Variants in FMN1 observed in about 807,000 individuals in gnomAD.
FMN1 encodes the protein formin-1.
Under a neutral mutation model 132.4 loss-of-function variants are expected in FMN1, and 110 were observed. The observed-to-expected ratio is 0.83, with a 90% CI of 0.71 to 0.97. The LOEUF (loss-of-function observed/expected upper bound fraction) is 0.97. FMN1 is among the 50% of genes least tolerant of loss of function. The pLI, the probability that FMN1 is intolerant of heterozygous loss-of-function variation, is 0.00. For missense variants in FMN1, 1,792 were observed against 1,705.3 expected (o/e 1.05, Z -0.90); for synonymous variants, 722 against 651.7 (o/e 1.11, Z -1.64).
At chr15:33,094,474 C>A (rs2141381394) in intron 4 of FMN1, among the ~76,000 whole-genome samples, 1 of 152,300 alleles carries the variant, frequency 6.6e-6, no homozygotes, top group East Asian at 1.9e-4. Flanking sequence ...AATTCAGTTG[C>A]ACTGCAGTGC....
At chr15:32,808,808 A>C (rs972353014) in intron 17 of FMN1, among the ~76,000 whole-genome samples, 2 of 152,280 alleles carry the variant, frequency 1.3e-5, no homozygotes, top group East Asian at 3.9e-4. Flanking sequence ...GGTTATCACA[A>C]AATTGCACAC....
intron 5 of FMN1, chr15:33,067,798 G>T: frequency 1.2e-6 from 2 of 1,613,936 alleles, no homozygotes; most frequent in South Asian, 1.1e-5. Context: ...ACTTACTCAG[G>T]ATCGACTGAG....
At chr15:32,995,201 G>GT (rs1203486376) in intron 7 of FMN1, among the ~76,000 whole-genome samples, 1 of 151,996 alleles carries the variant, frequency 6.6e-6, no homozygotes, top group Non-Finnish European at 1.5e-5. Flanking sequence ...GCCATATATT[G>GT]TATCAAAACA....
At chr15:32,808,450 G>A (rs755799010) in intron 17 of FMN1, among the ~76,000 whole-genome samples, 1 of 152,218 alleles carries the variant, frequency 6.6e-6, no homozygotes, top group Non-Finnish European at 1.5e-5. Flanking sequence ...TGGCTGCTGG[G>A]GGTTCAAGCT....
chr15:32,987,519 A>T (rs1426472122), intron 7 of FMN1, among the ~76,000 whole-genome samples: 1 of 152,180 alleles, frequency 6.6e-6, no homozygotes, highest in Non-Finnish European at 1.5e-5. Context: ...CTTGAACATA[A>T]CACTAACACA....
At chr15:33,039,774 G>A (rs1376787620) in intron 6 of FMN1, among the ~76,000 whole-genome samples, 1 of 151,922 alleles carries the variant, frequency 6.6e-6, no homozygotes, top group Non-Finnish European at 1.5e-5. Context: ...ATTACCACTC[G>A]GTGTCATGAA....
intron 3 of FMN1, among the ~76,000 whole-genome samples, chr15:33,176,747 A>G (rs1965528722): frequency 6.6e-6 from 1 of 152,180 alleles, no homozygotes; most frequent in Non-Finnish European, 1.5e-5. Flanking sequence ...GTTAGCCTTC[A>G]CAGGAAGATT....
At chr15:32,981,543 A>AATAATAATAATT (rs574939662) in intron 7 of FMN1, among the ~76,000 whole-genome samples, 26 of 138,398 alleles carry the variant, frequency 1.9e-4, no homozygotes, top group African/African-American at 6.4e-4. Context: ...TAATAATAAT[A>AATAATAATAATT]ATTATTATTA....
chr15:32,798,676 C>T, intron 19 of FMN1, 128 bp downstream of exon 19: 1 of 848,328 alleles, frequency 1.2e-6, no homozygotes, highest in Non-Finnish European at 1.7e-6. Flanking sequence ...GCAAAAAGTC[C>T]TTCCCCTATG....
intron 16 of FMN1, among the ~76,000 whole-genome samples, chr15:32,887,086 C>G (rs1195748480): frequency 6.6e-6 from 1 of 152,036 alleles, no homozygotes; most frequent in Non-Finnish European, 1.5e-5. Context: ...GTTTTATGCC[C>G]AAAGTAAAAA....
chr15:33,115,937 C>G lies in FMN1; in HGVS notation c.1868-26963G>C, dbSNP rs77559006. Among the ~76,000 whole-genome samples, 3 of 152,244 alleles carry G rather than the reference C, an allele frequency of 2.0e-5. No homozygotes were observed. In the East Asian group the frequency reaches 5.8e-4, roughly 29 times the overall value. ...CATCATTATTCATTTCAACTAGATT[C>G]TCTCACACACCTGCTTGCAATAATA... On this transcript the variant is annotated intron_variant, in intron 4 of 20. Coordinates refer to ENST00000616417, the MANE Select transcript of FMN1 (RefSeq NM_001277313.2).
chr15:32,901,073 G>T (rs2060282711), intron 13 of FMN1, among the ~76,000 whole-genome samples: 1 of 152,058 alleles, frequency 6.6e-6, no homozygotes, highest in African/African-American at 2.4e-5. Flanking sequence ...AGAATCGCTT[G>T]AGCCCTTGAG....
intron 5 of FMN1, among the ~76,000 whole-genome samples, chr15:33,065,957 C>T (rs2037706138): frequency 6.6e-6 from 1 of 152,138 alleles, no homozygotes; most frequent in African/African-American, 2.4e-5. Flanking sequence ...GAGATTGAGG[C>T]TTGGAGATTA....
intron 4 of FMN1, among the ~76,000 whole-genome samples, chr15:33,119,946 C>T (rs973517990): frequency 2.6e-5 from 4 of 152,136 alleles, no homozygotes; most frequent in African/African-American, 9.7e-5. Context: ...GAGCTCAAAG[C>T]GTTTTGCAAA....
intron 16 of FMN1, among the ~76,000 whole-genome samples, chr15:32,874,636 C>T (rs974486876): frequency 2.6e-5 from 4 of 152,134 alleles, no homozygotes; most frequent in Middle Eastern, 3.2e-3. Flanking sequence ...GATTCCTGTT[C>T]CTGAGCAGAA....
At chr15:32,980,791 G>A (rs535771655) in intron 7 of FMN1, among the ~76,000 whole-genome samples, 4 of 152,210 alleles carry the variant, frequency 2.6e-5, no homozygotes, top group African/African-American at 7.2e-5. Flanking sequence ...CAAGGAAGGC[G>A]GATCTGAGGT....
At chr15:33,017,849 G>C (rs2035152204) in intron 6 of FMN1, among the ~76,000 whole-genome samples, 1 of 152,172 alleles carries the variant, frequency 6.6e-6, no homozygotes, top group South Asian at 2.1e-4. Flanking sequence ...CGGATTTCCT[G>C]AGGTCAGGAG....
chr15:32,856,940 G>A (rs570256276), intron 17 of FMN1, 75 bp downstream of exon 17: 3 of 1,062,292 alleles, frequency 2.8e-6, no homozygotes, highest in South Asian at 2.6e-5. Flanking sequence ...CAGGGGCCGT[G>A]GGCCTCAGAG....
chr15:32,955,732 C>A (rs1228866109), intron 9 of FMN1, among the ~76,000 whole-genome samples: 1 of 152,020 alleles, frequency 6.6e-6, no homozygotes, highest in Non-Finnish European at 1.5e-5. Context: ...AACAGATAAC[C>A]CCAAATCTAT....
Sources: gnomAD v4.1 joint callset for allele counts (sites outside exome capture counted in the v4.1 genomes callset) on GRCh38, gnomAD v4.1.1 for gene constraint, MANE v1.5 for transcripts, NCBI Gene and HGNC (gene_info 2026-07-23, HGNC 2026-07-21) for gene names.